COL28A1: variants seen among roughly 807,000 people sequenced by gnomAD.
COL28A1 encodes the protein collagen type XXVIII alpha 1 chain.
In COL28A1, 161 loss-of-function variants were observed where a neutral mutation model predicts 150.2. That is an observed-to-expected ratio of 1.07 (90% CI 0.94 to 1.22). The LOEUF (loss-of-function observed/expected upper bound fraction) is 1.22, where lower values mean the gene tolerates loss of function less well. COL28A1 is among the 50% of genes most tolerant of loss of function. The probability of loss-of-function intolerance (pLI) is 0.00; values close to 1 mark genes in which losing one functional copy is unlikely to be tolerated. For synonymous variants in COL28A1, 552 were observed against 469.7 expected, an observed-to-expected ratio of 1.18 and a Z score of -2.26; for missense variants, 1,617 against 1,388.3, an observed-to-expected ratio of 1.16 and a Z score of -2.62.
chr7:7,382,347 C>T (rs117138902), intron 27 of COL28A1, among the ~76,000 whole-genome samples: 4,227 of 151,654 alleles, frequency 0.028, 90 homozygotes, highest in Non-Finnish European at 0.043. Flanking sequence ...ATTTTAGTAA[C>T]GGGGAAAAGA....
At chr7:7,431,660 C>T (rs1389684680) in intron 25 of COL28A1, 1 of 470,574 alleles carries the variant, frequency 2.1e-6, no homozygotes, top group South Asian at 1.6e-5. Context: ...AAAGAGAAGC[C>T]ACCAGGGTGT....
intron 27 of COL28A1, among the ~76,000 whole-genome samples, chr7:7,411,767 T>G (rs1294603): frequency 6.6e-6 from 1 of 152,048 alleles, no homozygotes; most frequent in African/African-American, 2.4e-5. Context: ...CTGATGCTGT[T>G]TGAAATAAGA....
chr7:7,419,134 A>T (rs1784262995), intron 26 of COL28A1, among the ~76,000 whole-genome samples: 1 of 152,184 alleles, frequency 6.6e-6, no homozygotes, highest in Non-Finnish European at 1.5e-5. Flanking sequence ...ACTTTCGAAC[A>T]AATCAAAGAA....
chr7:7,371,026 C>A, intron 32 of COL28A1, 144 bp from the exon 33 acceptor site: 1 of 611,570 alleles, frequency 1.6e-6, no homozygotes, highest in South Asian at 2.2e-5. Flanking sequence ...CTTATAAAAG[C>A]ATTTTTACAT....
intron 30 of COL28A1, among the ~76,000 whole-genome samples, chr7:7,376,428 T>A (rs1781545406): frequency 6.6e-6 from 1 of 152,216 alleles, no homozygotes; most frequent in Non-Finnish European, 1.5e-5. Context: ...GTATTTTAAT[T>A]TAACTTTTTA....
intron 27 of COL28A1, among the ~76,000 whole-genome samples, chr7:7,383,504 C>G (rs1223288278): frequency 2.0e-5 from 3 of 151,760 alleles, no homozygotes; most frequent in African/African-American, 7.3e-5. Flanking sequence ...GTCTCAAACT[C>G]CTGACCTTAG....
rs1781344878 is a variant in COL28A1 at position 7,373,460 on chromosome 7, T to C, written c.2446A>G (p.Ile816Val). Residue 816 changes from isoleucine to valine, a missense_variant, in exon 32 of 35, where the codon ATC becomes GTC. Coordinates refer to ENST00000399429, the MANE Select transcript of COL28A1 (RefSeq NM_001037763.3). This position sits in a 1 kb window ranked among gnomAD's most constrained non-coding sequence, Gnocchi z 4.1. ...ATAGTCTTCACAAAATTTTTAATGA[T>C]CTGAAAGTTCTCTGGCCCCACGCTT... ...SESVGPENFQ[I>V]IKNFVKTMAD... The C allele has an allele frequency of 6.2e-7, 1 of 1,614,114 alleles. No homozygotes were observed. The highest frequency in any genetic ancestry group is 8.5e-7 in the Non-Finnish European group (1 of 1,180,032).
intron 7 of COL28A1, among the ~76,000 whole-genome samples, chr7:7,516,559 T>A (rs1032247186): frequency 3.3e-5 from 5 of 152,192 alleles, no homozygotes; most frequent in African/African-American, 1.2e-4. Flanking sequence ...AATCACCAGC[T>A]CTAAGCAGCA....
At chr7:7,523,181 AC>A (rs1441596987) in intron 4 of COL28A1, among the ~76,000 whole-genome samples, 6 of 12,892 alleles carry the variant, frequency 4.7e-4, no homozygotes, top group Middle Eastern at 0.042. Context: ...TTTTTTTTAA[AC>A]GGGAGTCTCA....
At chr7:7,508,554 C>G (rs775469296) in intron 9 of COL28A1, among the ~76,000 whole-genome samples, 2 of 152,168 alleles carry the variant, frequency 1.3e-5, no homozygotes, top group African/African-American at 4.8e-5. Context: ...TTCCACTACC[C>G]GAGTATGAGA....
chr7:7,435,827 T>C (rs963990267), intron 23 of COL28A1, among the ~76,000 whole-genome samples: 45 of 152,298 alleles, frequency 3.0e-4, no homozygotes, highest in Non-Finnish European at 6.0e-4. Context: ...AAGCTTGTCC[T>C]CATAAACAGA....
intron 8 of COL28A1, chr7:7,511,875 GAGTTTATCAGTGAT>G (rs1781159643): frequency 2.2e-6 from 1 of 458,806 alleles, no homozygotes; most frequent in South Asian, 1.6e-5. Flanking sequence ...TTATTCTTTA[GAGTTTATCAGTGAT>G]AGTTTATCAT....
At position 7,374,323 on chromosome 7, in the gene COL28A1, G is replaced by T. The variant is rs933980770; in HGVS notation, c.2360-777C>A. The stretch of plus-strand genomic sequence containing the variant: ...AAAATTGAAATTTGCTCACCAGGCT[G>T]GCCAATGGATGAAGTAATGGGATGA... On this transcript the variant is annotated intron_variant, in intron 31 of 34. Transcript: ENST00000399429. Among the ~76,000 whole-genome samples, 7 of 151,966 alleles carry T rather than the reference G, an allele frequency of 4.6e-5. No individual in the cohort carries two copies. In the South Asian group the frequency reaches 1.5e-3, roughly 32 times the overall value.
intron 27 of COL28A1, among the ~76,000 whole-genome samples, chr7:7,386,931 A>C (rs76369477): frequency 0.012 from 1,836 of 152,286 alleles, 17 homozygotes; most frequent in Middle Eastern, 0.041. Flanking sequence ...GTGTCTGGTG[A>C]GGGTCCATTT....
At chr7:7,506,973 G>A (rs1276284510) in intron 10 of COL28A1, 144 bp downstream of exon 10, 1 of 551,426 alleles carries the variant, frequency 1.8e-6, no homozygotes, top group Non-Finnish European at 3.2e-6. Context: ...TAATCTTCTG[G>A]GTATCTTAAA....
chr7:7,348,476 A>C, the COL28A1 span, among the ~76,000 whole-genome samples: 2 of 151,300 alleles, frequency 1.3e-5, no homozygotes, highest in Admixed American at 6.6e-5. Flanking sequence ...TCACTCGCTC[A>C]CTCTCCCTCT....
intron 18 of COL28A1, among the ~76,000 whole-genome samples, chr7:7,448,663 A>G (rs1020809778): frequency 1.3e-5 from 2 of 151,606 alleles, no homozygotes; most frequent in East Asian, 1.9e-4. Context: ...AAATTTATTT[A>G]AAATTTTTAT....
chr7:7,536,651 C>G (rs1259850828), upstream of COL28A1, among the ~76,000 whole-genome samples: 2 of 152,192 alleles, frequency 1.3e-5, no homozygotes, highest in African/African-American at 2.4e-5. Flanking sequence ...AGGCAGGCTT[C>G]TCCACGGACT....
At chr7:7,513,809 T>G (rs1305287243) in intron 8 of COL28A1, among the ~76,000 whole-genome samples, 2 of 152,222 alleles carry the variant, frequency 1.3e-5, no homozygotes, top group African/African-American at 4.8e-5. Context: ...GGGCACAGAT[T>G]GCCATCAATG....
Sources: gnomAD v4.1 joint callset for allele counts (sites outside exome capture counted in the v4.1 genomes callset) on GRCh38, gnomAD v4.1.1 for gene constraint, Gnocchi (gnomAD v3.1) non-coding constraint, MANE v1.5 for transcripts, NCBI Gene and HGNC (gene_info 2026-07-23, HGNC 2026-07-21) for gene names.